CD8B2: variants seen among roughly 807,000 people sequenced by gnomAD.
The protein encoded by CD8B2 is T-cell surface glycoprotein CD8 beta-2 chain.
A neutral mutation model predicts 23.7 loss-of-function variants in CD8B2; 11 were observed. The observed-to-expected ratio is 0.46, with a 90% confidence interval of 0.29 to 0.77. The LOEUF is 0.77. CD8B2 is among the 30% of genes least tolerant of loss of function. CD8B2 has a pLI of 0.09. For synonymous variants in CD8B2, 90 were observed against 109.3 expected, an observed-to-expected ratio of 0.82 and a Z score of 1.10; for missense variants, 197 against 270.5, an observed-to-expected ratio of 0.73 and a Z score of 1.91.
Position 106,491,029 on chromosome 2 carries a change from C to T in CD8B2, c.199C>T (p.His67Tyr), listed in dbSNP as rs1679185368. 7 of 1,613,944 alleles carry T rather than the reference C, an allele frequency of 4.3e-6. No individual in the cohort carries two copies. The highest frequency in any genetic ancestry group is 5.1e-6 in the Non-Finnish European group (6 of 1,179,848). Residue 67 changes from histidine (H) to tyrosine (Y), a missense_variant, in exon 2 of 6, where the codon CAC becomes TAC. Around this residue, in one of 3 missense-constraint regions of CD8B2, gnomAD observed 140 missense variants for 164.2 expected, o/e 0.85. Coordinates refer to ENST00000643224, the MANE Select transcript of CD8B2 (RefSeq NM_001349727.2). ...QRQAPSSDSH[H>Y]EFLTLWDSAK... ...CCAGGCCCCGAGCAGTGATAGTCAC[C>T]ACGAGTTCCTGACCCTCTGGGATTC... is the stretch of plus-strand genomic sequence containing the variant.
intron 3 of CD8B2, among the ~76,000 whole-genome samples, chr2:106,499,543 A>C (rs902346504): frequency 3.3e-5 from 5 of 151,918 alleles, no homozygotes; most frequent in African/African-American, 9.7e-5. Flanking sequence ...AAAAAAAAAA[A>C]AAAAAAAACC....
chr2:106,537,317 C>T (rs779246365), intron 5 of CD8B2, among the ~76,000 whole-genome samples: 4 of 152,130 alleles, frequency 2.6e-5, no homozygotes, highest in Non-Finnish European at 4.4e-5. Flanking sequence ...ACTTTCATTT[C>T]CCTAAACTTG....
chr2:106,536,652 A>G (rs1331667136), intron 5 of CD8B2, among the ~76,000 whole-genome samples: 1 of 152,242 alleles, frequency 6.6e-6, no homozygotes, highest in African/African-American at 2.4e-5. Context: ...TGAGAAGCAT[A>G]TTAAGCACAG....
rs1242048335 is a variant in CD8B2 at position 106,510,172 on chromosome 2, TGTTAGAA to T, written c.*3238_*3244del. 6 of 152,318 alleles carry T rather than the reference TGTTAGAA, an allele frequency of 3.9e-5. No homozygotes were observed. Among genetic ancestry groups the T allele is most frequent in the Non-Finnish European group, 8.8e-5 (6 of 68,038 alleles). 9.4% of individuals were successfully genotyped at this position (152,318 alleles called of 1,614,324 possible). On this transcript the variant is annotated 3_prime_UTR_variant, in exon 6 of 6. Transcript: ENST00000643224. The stretch of plus-strand genomic sequence containing the variant: ...GAAAACAAGCAAAACAAATATATGT[TGTTAGAA>T]GTTAGGATACAGTTACCCTTGGTCC...
intron 5 of CD8B2, among the ~76,000 whole-genome samples, chr2:106,523,152 C>T (rs145409403): frequency 4.3e-4 from 65 of 152,254 alleles, no homozygotes; most frequent in African/African-American, 1.2e-3. Context: ...AAAAATTCCC[C>T]GAACACAGAA....
chr2:106,496,098 A>G lies in CD8B2; in HGVS notation c.404-75A>G, dbSNP rs1255629190. On this transcript the variant is annotated intron_variant, in intron 2 of 5. Coordinates refer to ENST00000643224, the MANE Select transcript of CD8B2 (RefSeq NM_001349727.2). ...CAGGCATGAGCCACCGCACCCGGCC[A>G]TAAGACAAAGTTTTGTCTTTGAGTC... The G allele has an allele frequency of 3.9e-5, 61 of 1,549,340 alleles. 1 individual carries two copies. The highest frequency in any genetic ancestry group is 5.1e-5 in the Non-Finnish European group (58 of 1,145,956).
At chr2:106,513,960 G>C (rs552116763), downstream of CD8B2, among the ~76,000 whole-genome samples, 3 of 152,192 alleles carry the variant, frequency 2.0e-5, no homozygotes, top group South Asian at 6.2e-4. Flanking sequence ...AGCAGGCTTT[G>C]GTTGAAGTCC....
chr2:106,515,530 G>A (rs1479146586), downstream of CD8B2, among the ~76,000 whole-genome samples: 1 of 152,214 alleles, frequency 6.6e-6, no homozygotes, highest in African/African-American at 2.4e-5. Context: ...AGCCATGTGA[G>A]TATACGGAGA....
downstream of CD8B2, among the ~76,000 whole-genome samples, chr2:106,514,583 G>A (rs1679696760): frequency 6.6e-6 from 1 of 151,558 alleles, no homozygotes; most frequent in South Asian, 2.1e-4. Flanking sequence ...CACTGTGCCC[G>A]GCCTGGAACG....
rs1679591843 is a variant in CD8B2 at position 106,509,962 on chromosome 2, A to G, written c.*3022A>G. 6.6e-6 allele frequency: 1 copy of G among 152,254 alleles called. No homozygotes were observed. 9.4% of individuals were successfully genotyped at this position (152,254 alleles called of 1,614,324 possible). ...AAATGTCCATCAAAAGGGACTGGTC[A>G]GATAAATTCAGACACAGTCTAATAA... On this transcript the variant is annotated 3_prime_UTR_variant, in exon 6 of 6. Coordinates refer to ENST00000643224, the MANE Select transcript of CD8B2 (RefSeq NM_001349727.2).
At chr2:106,498,812 A>G (rs927725047) in intron 3 of CD8B2, among the ~76,000 whole-genome samples, 6 of 152,220 alleles carry the variant, frequency 3.9e-5, no homozygotes, top group African/African-American at 1.4e-4. Context: ...GGGCGTCCAC[A>G]CAGACCTCAA....
rs540385616 is a variant in CD8B2 at position 106,519,732 on chromosome 2, G to C, written c.620+15407G>C. Among the ~76,000 whole-genome samples the C allele has an allele frequency of 2.6e-5, 4 of 152,352 alleles. No homozygotes were observed. The South Asian group carries it at 8.3e-4, about 32-fold the overall frequency. ...CCTGGGCTACACTGGAAGAAGAACTGTCTTGGGCCACACATAAAATACACT... is the reference window on the plus strand; with the variant it reads ...CCTGGGCTACACTGGAAGAAGAACTCTCTTGGGCCACACATAAAATACACT... On this transcript the variant is annotated intron_variant, in intron 5 of 5. Coordinates refer to the CD8B2 transcript ENST00000416057.
chr2:106,516,210 G>C (rs761851814), intron 5 of CD8B2, among the ~76,000 whole-genome samples: 2 of 152,110 alleles, frequency 1.3e-5, no homozygotes, highest in African/African-American at 2.4e-5. Flanking sequence ...TCTCACTTCT[G>C]TCTGTGCATT....
chr2:106,512,227 T>C (rs1465538021), downstream of CD8B2, among the ~76,000 whole-genome samples: 2 of 152,024 alleles, frequency 1.3e-5, no homozygotes, highest in Non-Finnish European at 2.9e-5. Flanking sequence ...GGGCATGCAC[T>C]ACCACACCTG....
chr2:106,528,945 C>T (rs1184228178), intron 5 of CD8B2, among the ~76,000 whole-genome samples: 1 of 152,144 alleles, frequency 6.6e-6, no homozygotes, highest in Non-Finnish European at 1.5e-5. Context: ...TGTAATTTCC[C>T]GTTTTCTCGA....
intron 5 of CD8B2, among the ~76,000 whole-genome samples, chr2:106,523,465 G>A (rs1394703187): frequency 6.6e-6 from 1 of 152,174 alleles, no homozygotes; most frequent in East Asian, 1.9e-4. Context: ...CCTCACCGTA[G>A]AAGGAAGGGA....
At chr2:106,530,587 G>A (rs112383313) in intron 5 of CD8B2, among the ~76,000 whole-genome samples, 14,351 of 152,126 alleles carry the variant, frequency 0.094, 1,129 homozygotes, top group African/African-American at 0.22. Context: ...CACCCTGTTA[G>A]CCAGGATGGT....
chr2:106,500,406 C>T (rs1296475711), intron 3 of CD8B2, among the ~76,000 whole-genome samples: 1 of 147,412 alleles, frequency 6.8e-6, no homozygotes, highest in Non-Finnish European at 1.5e-5. Context: ...GTAATCCCAG[C>T]TACTAAGGAG....
At chr2:106,501,541 G>T (rs1463376379) in intron 3 of CD8B2, among the ~76,000 whole-genome samples, 1 of 152,090 alleles carries the variant, frequency 6.6e-6, no homozygotes, top group Admixed American at 6.6e-5. Flanking sequence ...AATTAGCCAG[G>T]CATGACGGCG....
Sources: gnomAD v4.1 joint callset for allele counts (sites outside exome capture counted in the v4.1 genomes callset) on GRCh38, gnomAD v4.1.1 for gene constraint, gnomAD v4.1.1 regional missense constraint, MANE v1.5 for transcripts, NCBI Gene and HGNC (gene_info 2026-07-23, HGNC 2026-07-21) for gene names.